GALNTL6: variants seen among roughly 807,000 people sequenced by gnomAD.
GALNTL6 encodes the protein polypeptide N-acetylgalactosaminyltransferase-like 6.
In GALNTL6, 46 loss-of-function variants were observed where a neutral mutation model predicts 73.7. That is an observed-to-expected ratio of 0.62 (90% CI 0.49 to 0.80). GALNTL6 has a LOEUF of 0.80. Ranked by LOEUF, GALNTL6 falls within the 30% of genes least tolerant of loss-of-function variation. The pLI is 0.00. For synonymous variants in GALNTL6, 259 were observed against 263.7 expected, an observed-to-expected ratio of 0.98 and a Z score of 0.17; for missense variants, 604 against 755.0, an observed-to-expected ratio of 0.80 and a Z score of 2.34.
At chr4:172,194,875 G>T (rs542710511) in intron 2 of GALNTL6, among the ~76,000 whole-genome samples, 2 of 152,166 alleles carry the variant, frequency 1.3e-5, no homozygotes, top group African/African-American at 2.4e-5. Flanking sequence ...ACACTATGAA[G>T]CAACTACATT....
intron 5 of GALNTL6, among the ~76,000 whole-genome samples, chr4:172,695,774 T>C (rs1039414100): frequency 6.6e-5 from 10 of 152,174 alleles, no homozygotes; most frequent in South Asian, 2.1e-4. Context: ...GGTGAAACCC[T>C]GTCTCTACTA....
At chr4:172,493,588 A>G (rs1451101259) in intron 5 of GALNTL6, among the ~76,000 whole-genome samples, 2 of 152,192 alleles carry the variant, frequency 1.3e-5, no homozygotes, top group Non-Finnish European at 2.9e-5. Context: ...TATGATATGT[A>G]GCTAGAGATT....
chr4:173,018,778 A>G (rs533912867), intron 11 of GALNTL6, among the ~76,000 whole-genome samples: 4 of 152,374 alleles, frequency 2.6e-5, no homozygotes, highest in African/African-American at 7.2e-5. Context: ...TTGCTGGAAC[A>G]TAAACTTGAA....
intron 5 of GALNTL6, among the ~76,000 whole-genome samples, chr4:172,543,156 CAG>C (rs1400572211): frequency 6.6e-6 from 1 of 152,140 alleles, no homozygotes; most frequent in Non-Finnish European, 1.5e-5. Flanking sequence ...ATTTGCATCA[CAG>C]GGAATTCTTT....
chr4:172,020,364 A>G (rs1034590872), intron 2 of GALNTL6, among the ~76,000 whole-genome samples: 1 of 147,450 alleles, frequency 6.8e-6, no homozygotes, highest in African/African-American at 2.6e-5. Context: ...GATCAAAGAA[A>G]CAAAAGGTTG....
In GALNTL6 at chr4:172,192,300, T is replaced by C. The variant is rs146008406; in HGVS notation, c.139-37356T>C. Among the ~76,000 whole-genome samples the C allele has an allele frequency of 3.3e-5, 5 of 152,154 alleles. No homozygotes were observed. In the East Asian group the frequency reaches 9.7e-4, roughly 30 times the overall value. ...CAATGGTTTCGATATGCAAAGACTT[T>C]GACAGACAATGTAAAAAAATTTTAA... On this transcript the variant is annotated intron_variant, in intron 2 of 12. Coordinates refer to ENST00000506823, the MANE Select transcript of GALNTL6 (RefSeq NM_001034845.3).
intron 2 of GALNTL6, among the ~76,000 whole-genome samples, chr4:172,052,840 A>G (rs963036998): frequency 6.6e-6 from 1 of 152,120 alleles, no homozygotes; most frequent in African/African-American, 2.4e-5. Context: ...ATAAACATAC[A>G]TACATATTCA....
chr4:172,873,315 GT>G (rs924419854), intron 7 of GALNTL6, among the ~76,000 whole-genome samples: 3 of 152,300 alleles, frequency 2.0e-5, no homozygotes, highest in African/African-American at 4.8e-5. Flanking sequence ...TCCTAGCCTG[GT>G]GGCTTCCATG....
At chr4:172,051,005 C>T (rs1009996170) in intron 2 of GALNTL6, among the ~76,000 whole-genome samples, 1 of 152,176 alleles carries the variant, frequency 6.6e-6, no homozygotes, top group Admixed American at 6.5e-5. Context: ...TGTAACAAGG[C>T]ACCTCATAAG....
At chr4:172,024,425 G>A (rs547789350) in intron 2 of GALNTL6, among the ~76,000 whole-genome samples, 6 of 151,788 alleles carry the variant, frequency 4.0e-5, no homozygotes, top group African/African-American at 1.4e-4. Context: ...TTATATTTAA[G>A]TGATTCTCTA....
intron 2 of GALNTL6, among the ~76,000 whole-genome samples, chr4:172,152,429 G>A (rs1734119184): frequency 6.6e-6 from 1 of 152,196 alleles, no homozygotes; most frequent in Non-Finnish European, 1.5e-5. Context: ...TCCAGGTGTT[G>A]TCTGTGGTGA....
chr4:172,473,087 T>C (rs1733110385), intron 5 of GALNTL6, among the ~76,000 whole-genome samples: 1 of 152,216 alleles, frequency 6.6e-6, no homozygotes, highest in Non-Finnish European at 1.5e-5. Context: ...TTCCTGTACT[T>C]GTCCTCAGCC....
intron 3 of GALNTL6, among the ~76,000 whole-genome samples, chr4:172,279,095 A>C (rs984973642): frequency 5.9e-5 from 9 of 152,186 alleles, no homozygotes; most frequent in African/African-American, 2.2e-4. Flanking sequence ...TAAATGTAAG[A>C]CCTAAAGCTA....
At chr4:172,562,005 G>A (rs1392418506) in intron 5 of GALNTL6, among the ~76,000 whole-genome samples, 3 of 152,074 alleles carry the variant, frequency 2.0e-5, no homozygotes, top group African/African-American at 4.8e-5. Context: ...CTACTTTATC[G>A]CTATGCAACT....
rs976552225 is a variant in GALNTL6, at chr4:172,468,196, T to G, written c.553+119507T>G. On this transcript the variant is annotated intron_variant, in intron 5 of 12. Coordinates refer to ENST00000506823, the MANE Select transcript of GALNTL6 (RefSeq NM_001034845.3). ...CATGAGCCACTGTACTCAGCCTACA[T>G]TTCCCAATACTGTGATTTAAAATAA... Among the ~76,000 whole-genome samples the G allele has an allele frequency of 2.0e-5, 3 of 152,288 alleles. 1 individual carries two copies. Among genetic ancestry groups the G allele is most frequent in the Middle Eastern group, 6.8e-3 (2 of 294 alleles).
chr4:172,967,803 G>T (rs1172759183), intron 10 of GALNTL6, among the ~76,000 whole-genome samples: 1 of 152,122 alleles, frequency 6.6e-6, no homozygotes, highest in Non-Finnish European at 1.5e-5. Context: ...TATCTGTAGG[G>T]TTTGATACTA....
chr4:172,195,219 GTTCAA>G (rs1292982854), intron 2 of GALNTL6, among the ~76,000 whole-genome samples: 1 of 151,998 alleles, frequency 6.6e-6, no homozygotes, highest in Non-Finnish European at 1.5e-5. Flanking sequence ...ATAGTAAATG[GTTCAA>G]TTCAACAAAA....
At chr4:173,010,408 A>T (rs2126495094) in intron 11 of GALNTL6, among the ~76,000 whole-genome samples, 1 of 152,158 alleles carries the variant, frequency 6.6e-6, no homozygotes, top group East Asian at 1.9e-4. Context: ...TTATTCATTC[A>T]TCTATTGATG....
At chr4:172,719,326 C>T (rs1017429590) in intron 5 of GALNTL6, among the ~76,000 whole-genome samples, 9 of 152,154 alleles carry the variant, frequency 5.9e-5, no homozygotes, top group African/African-American at 1.7e-4. Flanking sequence ...CCTTACCCTA[C>T]CATTTATTTA....
Sources: gnomAD v4.1 joint callset for allele counts (sites outside exome capture counted in the v4.1 genomes callset) on GRCh38, gnomAD v4.1.1 for gene constraint, MANE v1.5 for transcripts, NCBI Gene and HGNC (gene_info 2026-07-23, HGNC 2026-07-21) for gene names.